Variants in SRBD1 observed in about 807,000 individuals in gnomAD.
SRBD1 encodes S1 RNA-binding domain-containing protein 1.
SRBD1 carries 88 observed loss-of-function variants against 115.3 expected under a neutral mutation model. The ratio of observed to expected loss-of-function variants is 0.76; its 90% CI spans 0.64 to 0.91. The LOEUF is 0.91. Ranked by LOEUF, SRBD1 falls within the 40% of genes least tolerant of loss-of-function variation. The pLI, the probability that SRBD1 is intolerant of heterozygous loss-of-function variation, is 0.00. For missense variants in SRBD1, 1,385 were observed against 1,177.4 expected, an observed-to-expected ratio of 1.18 and a Z score of -2.58; for synonymous variants, 509 against 407.7, an observed-to-expected ratio of 1.25 and a Z score of -2.99.
At chr2:45,581,964 C>T (rs943628803) in intron 5 of SRBD1, among the ~76,000 whole-genome samples, 154 bp from the exon 6 acceptor site, 18 of 152,244 alleles carry the variant, frequency 1.2e-4, no homozygotes, top group African/African-American at 2.4e-5. Flanking sequence ...TGCACTCCAA[C>T]ACTTTAGTGT....
intron 14 of SRBD1, among the ~76,000 whole-genome samples, chr2:45,534,153 A>G (rs1671694908): frequency 6.6e-6 from 1 of 152,036 alleles, no homozygotes; most frequent in Non-Finnish European, 1.5e-5. Context: ...ATAGTATTTT[A>G]AAACCACACA....
At chr2:45,406,314 G>A (rs984048593) in intron 19 of SRBD1, among the ~76,000 whole-genome samples, 19 of 152,146 alleles carry the variant, frequency 1.2e-4, no homozygotes, top group Non-Finnish European at 2.2e-4. Context: ...GTAGTTTTGA[G>A]TTTTTTCAGT....
At chr2:45,418,258 C>G in intron 18 of SRBD1, 107 bp downstream of exon 18, 1 of 1,291,742 alleles carries the variant, frequency 7.7e-7, no homozygotes, top group African/African-American at 1.5e-5. Flanking sequence ...TGAATGAAGG[C>G]ATGAACAATG....
intron 16 of SRBD1, among the ~76,000 whole-genome samples, chr2:45,464,302 T>C (rs918279996): frequency 2.0e-5 from 3 of 152,132 alleles, no homozygotes; most frequent in African/African-American, 7.2e-5. Flanking sequence ...CACAGAAAGA[T>C]CCAAGTCAAA....
intron 14 of SRBD1, among the ~76,000 whole-genome samples, chr2:45,508,325 A>T (rs898865087): frequency 6.6e-6 from 1 of 152,234 alleles, no homozygotes; most frequent in Non-Finnish European, 1.5e-5. Context: ...TAAACTACAG[A>T]CTTCCTGATT....
At chr2:45,519,399 CTAAAG>C (rs1327574740) in intron 14 of SRBD1, among the ~76,000 whole-genome samples, 5 of 152,262 alleles carry the variant, frequency 3.3e-5, no homozygotes, top group South Asian at 2.1e-4. Context: ...AAAGCCTTAA[CTAAAG>C]TAAAGAAACA....
chr2:45,602,951 T>G (rs1211495189), intron 2 of SRBD1, among the ~76,000 whole-genome samples: 3 of 152,142 alleles, frequency 2.0e-5, no homozygotes, highest in Non-Finnish European at 4.4e-5. Context: ...TGGTGTTCTC[T>G]TCAGAGGTAC....
At chr2:45,499,893 A>G (rs757604594) in intron 14 of SRBD1, among the ~76,000 whole-genome samples, 2 of 152,070 alleles carry the variant, frequency 1.3e-5, no homozygotes, top group Non-Finnish European at 2.9e-5. Context: ...TTTTGGTTAT[A>G]ACAGCTTTGT....
chr2:45,504,354 G>A (rs1237881922), intron 14 of SRBD1, among the ~76,000 whole-genome samples: 1 of 151,912 alleles, frequency 6.6e-6, no homozygotes, highest in Admixed American at 6.6e-5. Context: ...TGACTTTTAG[G>A]GCATTTTTTC....
At chr2:45,497,982 C>T (rs1472318842) in intron 14 of SRBD1, among the ~76,000 whole-genome samples, 2 of 152,174 alleles carry the variant, frequency 1.3e-5, no homozygotes, top group South Asian at 2.1e-4. Context: ...CCAGCCTGGG[C>T]GACAGAGTGA....
chr2:45,556,952 G>T (rs1165215995), intron 10 of SRBD1, among the ~76,000 whole-genome samples: 1 of 152,008 alleles, frequency 6.6e-6, no homozygotes, highest in East Asian at 1.9e-4. Flanking sequence ...TTATTAATAT[G>T]GGGAATCCAA....
chr2:45,601,945 C>A lies in SRBD1; in HGVS notation c.219G>T (p.Gln73His). ...RMPRVKKNAP[Q>H]ISDGSEVVVV... ...CAACGACTTCTGAGCCATCACTGAT[C>A]TGTGGGGCATTCTTCTTCACCCGAG... The change falls in exon 3 of 21, where the codon CAG (glutamine) becomes CAT (histidine). Residue 73 changes from glutamine (Q) to histidine (H), a missense_variant. Transcript: ENST00000263736. 2 of 1,614,218 alleles carry A rather than the reference C, an allele frequency of 1.2e-6. No homozygotes were observed. The highest frequency in any genetic ancestry group is 1.3e-5 in the African/African-American group (1 of 75,056).
At chr2:45,528,133 T>C (rs1265408364) in intron 14 of SRBD1, among the ~76,000 whole-genome samples, 1 of 151,916 alleles carries the variant, frequency 6.6e-6, no homozygotes, top group Non-Finnish European at 1.5e-5. Context: ...GATTACATAA[T>C]TCTTTAAACT....
intron 16 of SRBD1, among the ~76,000 whole-genome samples, chr2:45,460,366 G>C (rs1256650166): frequency 6.6e-6 from 1 of 152,136 alleles, no homozygotes; most frequent in Non-Finnish European, 1.5e-5. Context: ...AAGGCTGGTT[G>C]TATTTCACAC....
At chr2:45,415,818 G>T (rs1362426068) in intron 18 of SRBD1, among the ~76,000 whole-genome samples, 1 of 114,232 alleles carries the variant, frequency 8.8e-6, no homozygotes, top group Non-Finnish European at 1.9e-5. Context: ...GGAGAGGAGA[G>T]GAGTCTGAAA....
intron 14 of SRBD1, among the ~76,000 whole-genome samples, chr2:45,496,219 G>C (rs919000114): frequency 1.3e-5 from 2 of 152,102 alleles, no homozygotes; most frequent in Non-Finnish European, 2.9e-5. Context: ...GTGGGAGTTT[G>C]TCCAGTAATA....
At chr2:45,490,729 T>A (rs149659399) in intron 14 of SRBD1, among the ~76,000 whole-genome samples, 1 of 152,106 alleles carries the variant, frequency 6.6e-6, no homozygotes, top group East Asian at 1.9e-4. Flanking sequence ...TAATTTTCAA[T>A]AGACTGAGGG....
intron 15 of SRBD1, among the ~76,000 whole-genome samples, chr2:45,484,930 T>G (rs1354251823): frequency 2.0e-5 from 3 of 152,246 alleles, no homozygotes; most frequent in Non-Finnish European, 4.4e-5. Flanking sequence ...ACTTCATTCT[T>G]TTTACGGCTG....
At chr2:45,448,509 A>C (rs1668896094) in intron 16 of SRBD1, among the ~76,000 whole-genome samples, 1 of 152,224 alleles carries the variant, frequency 6.6e-6, no homozygotes, top group Admixed American at 6.5e-5. Context: ...TTTGCATCTC[A>C]GAGGCCTGGG....
Sources: allele counts gnomAD v4.1 joint callset (sites outside exome capture counted in the v4.1 genomes callset), GRCh38; gene constraint gnomAD v4.1.1; transcripts MANE v1.5; gene names NCBI Gene and HGNC (gene_info 2026-07-23, HGNC 2026-07-21).